Variants in FAF1 observed in about 807,000 individuals in gnomAD.
FAF1 encodes the protein Fas associated factor 1.
In FAF1, 25 loss-of-function variants were observed where a neutral mutation model predicts 92.5. That is an observed-to-expected ratio of 0.27 (90% CI 0.20 to 0.38). The LOEUF (loss-of-function observed/expected upper bound fraction) is 0.38, where lower values mean the gene tolerates loss of function less well. FAF1 is among the 10% of genes least tolerant of loss of function. FAF1 has a pLI of 1.00. For synonymous variants in FAF1, 234 were observed against 273.2 expected (o/e 0.86, Z 1.42); for missense variants, 636 against 793.3 (o/e 0.80, Z 2.38).
At chr1:50,784,472 T>C (rs1431010694) in intron 4 of FAF1, among the ~76,000 whole-genome samples, 1 of 152,148 alleles carries the variant, frequency 6.6e-6, no homozygotes, top group African/African-American at 2.4e-5. Context: ...AAAATGCTTA[T>C]GAATAAACTT....
chr1:50,464,087 C>T (rs1459891298), intron 18 of FAF1, among the ~76,000 whole-genome samples: 1 of 152,178 alleles, frequency 6.6e-6, no homozygotes, highest in Non-Finnish European at 1.5e-5. Flanking sequence ...ACAAGGTCTA[C>T]ACATCTTAAA....
intron 8 of FAF1, among the ~76,000 whole-genome samples, chr1:50,651,488 G>A (rs1287901553): frequency 6.6e-6 from 1 of 152,054 alleles, no homozygotes; most frequent in Non-Finnish European, 1.5e-5. Flanking sequence ...TAAGGCTACT[G>A]TATATTTAAA....
At chr1:50,621,434 C>T (rs1456077526) in intron 8 of FAF1, among the ~76,000 whole-genome samples, 1 of 116,834 alleles carries the variant, frequency 8.6e-6, no homozygotes, top group Non-Finnish European at 1.6e-5. Flanking sequence ...GAGTCTCACT[C>T]TGTAGCCCAA....
chr1:50,914,780 G>A (rs985624718), intron 1 of FAF1, among the ~76,000 whole-genome samples: 2 of 152,084 alleles, frequency 1.3e-5, no homozygotes, highest in African/African-American at 4.8e-5. Context: ...CGCTATCAAA[G>A]TAATGTCCAA....
chr1:50,846,837 A>T, intron 2 of FAF1: 2 of 599,850 alleles, frequency 3.3e-6, no homozygotes, highest in South Asian at 3.2e-5. Context: ...GAAGAGGAAG[A>T]AGTGAGAAGA....
intron 1 of FAF1, among the ~76,000 whole-genome samples, chr1:50,938,676 G>A (rs1472878423): frequency 6.6e-6 from 1 of 152,106 alleles, no homozygotes; most frequent in East Asian, 1.9e-4. Context: ...GATATTTCCT[G>A]GGTTTTCTTC....
At chr1:50,447,856 T>A (rs1646247843) in intron 18 of FAF1, among the ~76,000 whole-genome samples, 1 of 152,222 alleles carries the variant, frequency 6.6e-6, no homozygotes, top group East Asian at 1.9e-4. Flanking sequence ...TGAATTCCTC[T>A]GTGCTGACTG....
intron 8 of FAF1, among the ~76,000 whole-genome samples, chr1:50,634,212 C>T (rs907230541): frequency 4.0e-5 from 6 of 151,842 alleles, no homozygotes; most frequent in Non-Finnish European, 8.8e-5. Context: ...GCCAATTAAA[C>T]ACAGTTGTAA....
chr1:50,793,343 A>G (rs1199130979), intron 3 of FAF1, among the ~76,000 whole-genome samples: 10 of 152,212 alleles, frequency 6.6e-5, no homozygotes, highest in Non-Finnish European at 1.2e-4. Flanking sequence ...AAATATCCAG[A>G]TTTTTAGGAG....
At chr1:50,749,147 T>C (rs1297916324) in intron 4 of FAF1, among the ~76,000 whole-genome samples, 2 of 152,246 alleles carry the variant, frequency 1.3e-5, no homozygotes, top group Non-Finnish European at 2.9e-5. Flanking sequence ...ACAGTTTTTA[T>C]ACCAAACACA....
chr1:50,536,550 G>A (rs1347805347), intron 14 of FAF1, among the ~76,000 whole-genome samples: 1 of 152,078 alleles, frequency 6.6e-6, no homozygotes, highest in South Asian at 2.1e-4. Flanking sequence ...ATGACCATTG[G>A]CAGCATGGGT....
At chr1:50,904,319 T>C (rs1573012) in intron 1 of FAF1, among the ~76,000 whole-genome samples, 10,097 of 152,122 alleles carry the variant, frequency 0.066, 409 homozygotes, top group East Asian at 0.093. Flanking sequence ...GTCAAATTCA[T>C]AGAGACAGAA....
At chr1:50,922,105 T>C (rs1467730876) in intron 1 of FAF1, among the ~76,000 whole-genome samples, 2 of 147,782 alleles carry the variant, frequency 1.4e-5, no homozygotes, top group African/African-American at 5.1e-5. Flanking sequence ...AGGCAGAGGT[T>C]GCAGTGAGCT....
chr1:50,902,981 G>C (rs1644808334), intron 1 of FAF1, among the ~76,000 whole-genome samples: 1 of 151,908 alleles, frequency 6.6e-6, no homozygotes, highest in Admixed American at 6.6e-5. Context: ...TGTTATTTCT[G>C]GTAATCTTGG....
intron 18 of FAF1, among the ~76,000 whole-genome samples, chr1:50,471,612 CTGTT>C (rs1416368958): frequency 6.6e-6 from 1 of 152,136 alleles, no homozygotes; most frequent in Non-Finnish European, 1.5e-5. Flanking sequence ...GCATGTCTGT[CTGTT>C]TGGGGATTCA....
At chr1:50,466,329 C>G (rs1646495318) in intron 18 of FAF1, among the ~76,000 whole-genome samples, 1 of 152,070 alleles carries the variant, frequency 6.6e-6, no homozygotes, top group Admixed American at 6.6e-5. Context: ...ATAAGGAAGA[C>G]TATGGGAGGA....
chr1:50,460,691 T>C (rs116453297), intron 18 of FAF1, among the ~76,000 whole-genome samples: 2,220 of 151,488 alleles, frequency 0.015, 56 homozygotes, highest in African/African-American at 0.05. Flanking sequence ...TGGAGTGTAG[T>C]GGTGCGATCA....
At chr1:50,463,993 T>C (rs1392055640) in intron 18 of FAF1, among the ~76,000 whole-genome samples, 1 of 152,120 alleles carries the variant, frequency 6.6e-6, no homozygotes, top group Non-Finnish European at 1.5e-5. Context: ...TAGAGGAAAG[T>C]AGGAGTGAAA....
At chr1:50,781,927 G>A (rs1281329339) in intron 4 of FAF1, among the ~76,000 whole-genome samples, 1 of 152,096 alleles carries the variant, frequency 6.6e-6, no homozygotes, top group Non-Finnish European at 1.5e-5. Context: ...ATTATACCAA[G>A]GTGGTCCTGA....
Sources: allele counts gnomAD v4.1 joint callset (sites outside exome capture counted in the v4.1 genomes callset), GRCh38; gene constraint gnomAD v4.1.1; transcripts MANE v1.5; gene names NCBI Gene and HGNC (gene_info 2026-07-23, HGNC 2026-07-21).